SAMD7: variants seen among roughly 807,000 people sequenced by gnomAD.
The protein encoded by SAMD7 is sterile alpha motif domain-containing protein 7.
A neutral mutation model predicts 36.7 loss-of-function variants in SAMD7; 34 were observed. That is an observed-to-expected ratio of 0.93 (90% CI 0.71 to 1.23). The LOEUF is 1.23. SAMD7 is among the 50% of genes most tolerant of loss of function. SAMD7 has a pLI of 0.00. For synonymous variants in SAMD7, 188 were observed against 189.7 expected, an observed-to-expected ratio of 0.99 and a Z score of 0.07; for missense variants, 570 against 546.6, an observed-to-expected ratio of 1.04 and a Z score of -0.43.
chr3:169,936,305 TCAGA>T, intron 7 of SAMD7, 30 bp from the exon 8 acceptor site: 1 of 1,333,800 alleles, frequency 7.5e-7, no homozygotes, highest in South Asian at 1.2e-5. Flanking sequence ...AAAAAGACAT[TCAGA>T]CAGAGTTAAC....
chr3:169,924,285 G>A (rs1014702), intron 4 of SAMD7, among the ~76,000 whole-genome samples: 48,775 of 151,696 alleles, frequency 0.32, 8,133 homozygotes, highest in African/African-American at 0.41. Context: ...TTGGTGCAAA[G>A]TGAGTATAAA....
intron 3 of SAMD7, among the ~76,000 whole-genome samples, chr3:169,920,017 A>G (rs1471350529): frequency 6.6e-6 from 1 of 152,146 alleles, no homozygotes; most frequent in African/African-American, 2.4e-5. Context: ...TACTAAAAAT[A>G]CAAAACATTA....
intron 7 of SAMD7, among the ~76,000 whole-genome samples, chr3:169,934,288 A>G (rs1326983420): frequency 6.6e-6 from 1 of 152,176 alleles, no homozygotes; most frequent in Non-Finnish European, 1.5e-5. Context: ...ATAAGCAATG[A>G]TGGAGTTCTA....
intron 8 of SAMD7, among the ~76,000 whole-genome samples, 159 bp downstream of exon 8, chr3:169,936,608 C>T (rs997881707): frequency 1.3e-5 from 2 of 152,024 alleles, no homozygotes; most frequent in African/African-American, 2.4e-5. Context: ...ACCCTGAAAA[C>T]ATTGGATGGG....
intron 1 of SAMD7, among the ~76,000 whole-genome samples, chr3:169,914,461 C>CA (rs1712719471): frequency 4.6e-5 from 7 of 152,298 alleles, no homozygotes; most frequent in Admixed American, 4.6e-4. Context: ...AACTGTAACA[C>CA]ACAGGAGCTG....
intron 7 of SAMD7, among the ~76,000 whole-genome samples, chr3:169,936,049 G>C (rs1713702188): frequency 6.6e-6 from 1 of 151,910 alleles, no homozygotes; most frequent in South Asian, 2.1e-4. Flanking sequence ...TCTGTATTAG[G>C]GGTACATTGG....
chr3:169,926,730 C>T lies in SAMD7; in HGVS notation c.468C>T (p.Thr156=), dbSNP rs1713276566. ...PAGDLHFHRS[T]LRNLQGNPML... Reference sequence around the variant, plus strand: ...GTGACCTGCATTTTCACAGAAGCACCCTCAGAAACCTTCAGGGAAACCCCA... The same window carrying T: ...GTGACCTGCATTTTCACAGAAGCACTCTCAGAAACCTTCAGGGAAACCCCA... Residue 156 remains threonine (T), a synonymous_variant, in exon 6 of 9, where the codon ACC becomes ACT. Coordinates refer to ENST00000335556, the MANE Select transcript of SAMD7 (RefSeq NM_001304366.2). The T allele has an allele frequency of 3.1e-6, 5 of 1,613,830 alleles. No homozygotes were observed. Among genetic ancestry groups the T allele is most frequent in the Non-Finnish European group, 4.2e-6 (5 of 1,180,006 alleles).
At chr3:169,931,194 T>A (rs1230562420) in intron 7 of SAMD7, among the ~76,000 whole-genome samples, 2 of 152,234 alleles carry the variant, frequency 1.3e-5, no homozygotes, top group Non-Finnish European at 2.9e-5. Context: ...TTCAGAGGAC[T>A]CAGCAGATAA....
At chr3:169,913,967 A>C (rs930101525) in intron 1 of SAMD7, among the ~76,000 whole-genome samples, 1 of 152,206 alleles carries the variant, frequency 6.6e-6, no homozygotes, top group African/African-American at 2.4e-5. Flanking sequence ...TATTTGCTTC[A>C]AAATGTAATT....
chr3:169,921,309 C>A lies in SAMD7; in HGVS notation c.182C>A (p.Ala61Glu), dbSNP rs1416071187. ...GSSVLPNTNMANVLSSRIYPG... is the reference protein window; with the variant it reads ...GSSVLPNTNMENVLSSRIYPG... ...TCTGTTCTACCAAACACAAATATGG[C>A]AAATGTGTTGTCCAGTCGGATCTAC... Residue 61 changes from alanine (A) to glutamate (E), a missense_variant, in exon 4 of 9, where the codon GCA becomes GAA. Transcript: ENST00000335556. The A allele has an allele frequency of 6.2e-7, 1 of 1,613,954 alleles. No homozygotes were observed. Among genetic ancestry groups the A allele is most frequent in the South Asian group, 1.1e-5 (1 of 91,084 alleles).
intron 7 of SAMD7, chr3:169,932,356 G>A: frequency 1.5e-6 from 1 of 673,230 alleles, no homozygotes; most frequent in Non-Finnish European, 2.8e-6. Flanking sequence ...CCTTGAAAGG[G>A]AACAGAAAGT....
At chr3:169,936,122 A>G (rs2108266920) in intron 7 of SAMD7, among the ~76,000 whole-genome samples, 1 of 152,322 alleles carries the variant, frequency 6.6e-6, no homozygotes, top group East Asian at 1.9e-4. Context: ...GAGTTCTATA[A>G]ACAGAGAATT....
At chr3:169,912,191 G>A (rs1175109176) in intron 1 of SAMD7, among the ~76,000 whole-genome samples, 1 of 152,006 alleles carries the variant, frequency 6.6e-6, no homozygotes, top group East Asian at 1.9e-4. Context: ...TATTACTGCT[G>A]TTTATTTACT....
chr3:169,927,537 C>T (rs555236999), intron 6 of SAMD7, among the ~76,000 whole-genome samples: 40 of 151,998 alleles, frequency 2.6e-4, no homozygotes, highest in Admixed American at 2.2e-3. Flanking sequence ...CCTCGTGATC[C>T]GCCCGCCTCG....
intron 7 of SAMD7, chr3:169,933,022 G>A: frequency 1.3e-6 from 1 of 784,344 alleles, no homozygotes; most frequent in Non-Finnish European, 2.3e-6. Context: ...GTGTCTACCT[G>A]GAACAGACGG....
chr3:169,921,221 T>G lies in SAMD7; in HGVS notation c.94T>G (p.Leu32Val), dbSNP rs756777031. The G allele has an allele frequency of 2.5e-6, 4 of 1,613,862 alleles. No homozygotes were observed. The highest frequency in any genetic ancestry group is 3.4e-6 in the Non-Finnish European group (4 of 1,179,842). Residue 32 changes from leucine to valine, a missense_variant, in exon 4 of 9, where the codon TTG (leucine) becomes GTG (valine). Coordinates refer to ENST00000335556, the MANE Select transcript of SAMD7 (RefSeq NM_001304366.2). Reference protein sequence around the residue: ...FGPPTVDRDVLPSTVAPTDPR... With the variant: ...FGPPTVDRDVVPSTVAPTDPR... Reference sequence around the variant, plus strand: ...ATATCTTTTTGTTCTCAGAGATGTATTGCCTTCCACCGTAGCTCCAACTGA... The same window carrying G: ...ATATCTTTTTGTTCTCAGAGATGTAGTGCCTTCCACCGTAGCTCCAACTGA...
At chr3:169,918,226 C>T (rs1380736168) in intron 2 of SAMD7, among the ~76,000 whole-genome samples, 1 of 152,228 alleles carries the variant, frequency 6.6e-6, no homozygotes, top group African/African-American at 2.4e-5. Flanking sequence ...GCATGAGCCA[C>T]CGCACCTGGC....
intron 3 of SAMD7, 97 bp from the exon 4 acceptor site, chr3:169,921,117 C>A: frequency 9.4e-7 from 1 of 1,061,712 alleles, no homozygotes. Context: ...ATGATAGAAT[C>A]CCATATGGCA....
At chr3:169,924,947 T>C in intron 4 of SAMD7, 111 bp from the exon 5 acceptor site, 2 of 714,932 alleles carry the variant, frequency 2.8e-6, no homozygotes, top group African/African-American at 1.8e-5. Context: ...AATTGCTGGT[T>C]TGTTTTTTTT....
Sources: gnomAD v4.1 joint callset for allele counts (sites outside exome capture counted in the v4.1 genomes callset) on GRCh38, gnomAD v4.1.1 for gene constraint, MANE v1.5 for transcripts, NCBI Gene and HGNC (gene_info 2026-07-23, HGNC 2026-07-21) for gene names.